Variants in MTSS1 observed in about 807,000 individuals in gnomAD.
MTSS1 encodes the protein MTSS I-BAR domain containing 1.
MTSS1 carries 18 observed loss-of-function variants against 79.0 expected under a neutral mutation model. That is an observed-to-expected ratio of 0.23 (90% CI 0.16 to 0.34). The LOEUF (loss-of-function observed/expected upper bound fraction) is 0.34, where lower values mean the gene tolerates loss of function less well. MTSS1 is among the 10% of genes least tolerant of loss of function. The probability of loss-of-function intolerance (pLI) is 1.00; values close to 1 mark genes in which losing one functional copy is unlikely to be tolerated. For missense variants in MTSS1, 815 were observed against 986.2 expected (o/e 0.83, Z 2.33); for synonymous variants, 341 against 368.6 (o/e 0.93, Z 0.86).
chr8:124,599,610 T>C (rs1360622376), intron 3 of MTSS1, among the ~76,000 whole-genome samples: 1 of 151,840 alleles, frequency 6.6e-6, no homozygotes. Context: ...CAAATGTGAG[T>C]GTAGGCTCGC....
intron 10 of MTSS1, among the ~76,000 whole-genome samples, chr8:124,561,477 G>C (rs1433617160): frequency 6.6e-6 from 1 of 152,100 alleles, no homozygotes; most frequent in Non-Finnish European, 1.5e-5. Context: ...CATGTCTTGG[G>C]CACAGGTTTT....
In MTSS1 at chr8:124,553,382, G is replaced by T; in HGVS notation, c.1878C>A (p.Leu626=). 1 of 1,610,710 alleles carries T rather than the reference G, an allele frequency of 6.2e-7. No homozygotes were observed. The highest frequency in any genetic ancestry group is 1.7e-4 in the Middle Eastern group (1 of 6,050). Residue 626 remains leucine (L), a synonymous_variant, in exon 14 of 14, where the codon CTC becomes CTA. Transcript: ENST00000518547. This position sits in a 1 kb window ranked among gnomAD's most constrained non-coding sequence, Gnocchi z 6.0. ...IPVKTPTVPD[L]PGVLPAPPDG... ...CTGGAGGGGCTGGCAACACCCCTGG[G>T]AGGTCTGGGACGGTTGGGGTCTTGA...
chr8:124,665,536 G>A (rs1201806291), intron 3 of MTSS1, among the ~76,000 whole-genome samples: 3 of 152,090 alleles, frequency 2.0e-5, no homozygotes, highest in African/African-American at 7.2e-5. Flanking sequence ...GCCCTGGCTT[G>A]GCCAGGCTGA....
In MTSS1 at chr8:124,591,190, C is replaced by T; in HGVS notation, c.254G>A (p.Arg85Lys). The T allele has an allele frequency of 6.2e-7, 1 of 1,614,232 alleles. No homozygotes were observed. Among genetic ancestry groups the T allele is most frequent in the African/African-American group, 1.3e-5 (1 of 75,070 alleles). ...CAGCTTGGCTTCAATGCTTCTGTGC[C>T]TCATGCACATCCTGGTGAGAGCAGA... Reference protein sequence around the residue: ...IGSALTRMCMRHRSIEAKLRQ... With the variant: ...IGSALTRMCMKHRSIEAKLRQ... Residue 85 changes from arginine (R) to lysine (K), a missense_variant, in exon 4 of 14, where the codon AGG (arginine) becomes AAG (lysine). Arg to Lys is a conservative substitution (Grantham distance 26). Coordinates refer to ENST00000518547, the MANE Select transcript of MTSS1 (RefSeq NM_014751.6).
Position 124,551,445 on chromosome 8 carries a change from G to A in MTSS1, c.*1547C>T, listed in dbSNP as rs534181340. On this transcript the variant is annotated 3_prime_UTR_variant, in exon 14 of 14. Transcript: ENST00000518547. The stretch of plus-strand genomic sequence containing the variant: ...TTAATATATAGAACAATGACCATAC[G>A]GTACGTTACTCTCACATCCAATGCA... The A allele has an allele frequency of 1.3e-5, 2 of 152,592 alleles. No homozygotes were observed. Among genetic ancestry groups the A allele is most frequent in the African/African-American group, 2.4e-5 (1 of 41,404 alleles). 9.5% of individuals were successfully genotyped at this position (152,592 alleles called of 1,614,324 possible). A position where few individuals can be genotyped will look rare whatever the true frequency, so the allele number is the denominator to read the frequency against.
chr8:124,582,617 C>T lies in MTSS1; in HGVS notation c.460+2470G>A, dbSNP rs1406630036. Among the ~76,000 whole-genome samples, 1 of 149,766 alleles carries T rather than the reference C, an allele frequency of 6.7e-6. No homozygotes were observed. The highest frequency in any genetic ancestry group is 2.4e-5 in the African/African-American group (1 of 41,068). ...GCTGCATACATCAGATTCCGTCTAT[C>T]AGGACAAAAAAAAAAATGTATCCAA... is the stretch of plus-strand genomic sequence containing the variant. On this transcript the variant is annotated intron_variant, in intron 6 of 13. Transcript: ENST00000518547. This position sits in a 1 kb window ranked among gnomAD's most constrained non-coding sequence, Gnocchi z 4.8.
chr8:124,702,268 G>A (rs191291037), intron 2 of MTSS1, among the ~76,000 whole-genome samples: 1 of 152,304 alleles, frequency 6.6e-6, no homozygotes, highest in African/African-American at 2.4e-5. Flanking sequence ...GGATAAAGAT[G>A]AAGCTACCTA....
At chr8:124,703,611 A>G (rs1830007200) in intron 2 of MTSS1, among the ~76,000 whole-genome samples, 1 of 152,100 alleles carries the variant, frequency 6.6e-6, no homozygotes, top group African/African-American at 2.4e-5. Flanking sequence ...TTTAAACTCT[A>G]TTTGTGGAGA....
intron 3 of MTSS1, among the ~76,000 whole-genome samples, chr8:124,617,365 G>A (rs1024603882): frequency 6.6e-6 from 1 of 152,180 alleles, no homozygotes; most frequent in East Asian, 1.9e-4. Flanking sequence ...GCGAGCAGAC[G>A]TGGTGGCCCA....
intron 10 of MTSS1, among the ~76,000 whole-genome samples, 154 bp downstream of exon 10, chr8:124,562,628 A>T (rs1022982169): frequency 2.6e-5 from 4 of 152,130 alleles, no homozygotes; most frequent in African/African-American, 4.8e-5. Flanking sequence ...CCTTTAGGGG[A>T]ACAATACATC....
intron 1 of MTSS1, among the ~76,000 whole-genome samples, chr8:124,720,148 C>T (rs1311946743): frequency 6.6e-6 from 1 of 152,184 alleles, no homozygotes; most frequent in Non-Finnish European, 1.5e-5. Context: ...AGAAAGATTT[C>T]AGTAGGCAGC....
chr8:124,664,353 C>G (rs919092287), intron 3 of MTSS1, among the ~76,000 whole-genome samples: 4 of 152,242 alleles, frequency 2.6e-5, no homozygotes, highest in African/African-American at 9.6e-5. Flanking sequence ...TCCTCTACCA[C>G]AGTGCCAGAG....
chr8:124,679,883 G>A (rs1315349334), intron 3 of MTSS1, among the ~76,000 whole-genome samples: 1 of 152,116 alleles, frequency 6.6e-6, no homozygotes, highest in African/African-American at 2.4e-5. Flanking sequence ...GCTTTAATGA[G>A]GACACCCAAC....
chr8:124,596,270 C>T (rs969886146), intron 3 of MTSS1, among the ~76,000 whole-genome samples: 4 of 152,216 alleles, frequency 2.6e-5, no homozygotes, highest in Non-Finnish European at 5.9e-5. Flanking sequence ...CATGCTTCTT[C>T]CCAGAACCAG....
At chr8:124,647,404 T>C (rs1435179033) in intron 3 of MTSS1, among the ~76,000 whole-genome samples, 2 of 152,238 alleles carry the variant, frequency 1.3e-5, no homozygotes, top group Non-Finnish European at 2.9e-5. Context: ...TGCTATGTTT[T>C]GATGAATGTA....
chr8:124,643,591 G>C (rs762936373), intron 3 of MTSS1, among the ~76,000 whole-genome samples: 5 of 151,366 alleles, frequency 3.3e-5, no homozygotes, highest in Non-Finnish European at 7.4e-5. Context: ...CCAGCTACTC[G>C]GGAGGCTGCA....
intron 3 of MTSS1, among the ~76,000 whole-genome samples, chr8:124,642,186 T>C (rs1048604997): frequency 1.3e-5 from 2 of 152,224 alleles, no homozygotes; most frequent in African/African-American, 4.8e-5. Context: ...GCAGAATACA[T>C]GCTTTCAATT....
intron 5 of MTSS1, among the ~76,000 whole-genome samples, chr8:124,588,540 C>T (rs1831269947): frequency 6.6e-6 from 1 of 152,218 alleles, no homozygotes; most frequent in African/African-American, 2.4e-5. Context: ...AGGTCCCTGA[C>T]AACTCACTCA....
rs112600580 is a variant in MTSS1 at position 124,599,096 on chromosome 8, G to A, written c.209-7861C>T. 2.7e-3 allele frequency among the ~76,000 whole-genome samples: 406 copies of A among 152,272 alleles called. 2 individuals carry two copies. Among genetic ancestry groups the A allele is most frequent in the African/African-American group, 9.2e-3 (384 of 41,558 alleles). On this transcript the variant is annotated intron_variant, in intron 3 of 13. Transcript: ENST00000518547. ...TTGCTCCCTCCCCATTGCCCTTGCCGCCTGCTGATGGAAGGGACCCTGTGC... is the reference window on the plus strand; with the variant it reads ...TTGCTCCCTCCCCATTGCCCTTGCCACCTGCTGATGGAAGGGACCCTGTGC...
Sources: gnomAD v4.1 joint callset for allele counts (sites outside exome capture counted in the v4.1 genomes callset) on GRCh38, gnomAD v4.1.1 for gene constraint, Gnocchi (gnomAD v3.1) non-coding constraint, MANE v1.5 for transcripts, NCBI Gene and HGNC (gene_info 2026-07-23, HGNC 2026-07-21) for gene names.